The following ZNF564 variants were observed in gnomAD, a reference collection of about 807,000 sequenced individuals.
ZNF564 encodes the protein zinc finger protein 564.
ZNF564 carries 5 observed loss-of-function variants against 10.5 expected under a neutral mutation model. That is an observed-to-expected ratio of 0.48 (90% CI 0.25 to 1.00). The LOEUF (loss-of-function observed/expected upper bound fraction) is 1.00, where lower values mean the gene tolerates loss of function less well. Among genes scored for constraint, ZNF564 ranks in the 50% least tolerant of loss-of-function variants. The probability of loss-of-function intolerance (pLI) is 0.16; values close to 1 mark genes in which losing one functional copy is unlikely to be tolerated. For missense variants in ZNF564, 603 were observed against 669.7 expected (o/e 0.90, Z 1.10); for synonymous variants, 242 against 218.1 (o/e 1.11, Z -0.97).
intron 1 of ZNF564, chr19:12,548,642 A>G: frequency 1.8e-6 from 1 of 568,950 alleles, no homozygotes; most frequent in East Asian, 2.8e-5. Flanking sequence ...GGCTGGCAAG[A>G]CATTTGTATT....
chr19:12,548,116 T>C (rs2022187721), intron 1 of ZNF564: 1 of 974,892 alleles, frequency 1.0e-6, no homozygotes, highest in South Asian at 4.7e-5. Context: ...TTTCACTTAT[T>C]TTTAAGTAAG....
At chr19:12,542,086 C>G (rs2022063928) in intron 1 of ZNF564, among the ~76,000 whole-genome samples, 1 of 149,022 alleles carries the variant, frequency 6.7e-6, no homozygotes, top group African/African-American at 2.5e-5. Context: ...AATCCCAGCA[C>G]TTTGGGAGGC....
Position 12,527,558 on chromosome 19 carries a change from C to A in ZNF564, c.550G>T (p.Val184Phe), listed in dbSNP as rs767856860. ...GTGTGCTTAATCATGTGTCTTCGAA[C>A]ACTTGGGAGAGAAATGAAGGCTTTC... ...CGKAFISLPS[V>F]RRHMIKHTGD... The change falls in exon 4 of 4, where the codon GTT (valine) becomes TTT (phenylalanine). Residue 184 changes from valine to phenylalanine, a missense_variant. Val to Phe is a conservative substitution (Grantham distance 50). Coordinates refer to ENST00000339282, the MANE Select transcript of ZNF564 (RefSeq NM_144976.4). 17 of 1,613,810 alleles carry A rather than the reference C, an allele frequency of 1.1e-5. No homozygotes were observed. The highest frequency in any genetic ancestry group is 1.3e-5 in the Non-Finnish European group (15 of 1,179,952).
intron 1 of ZNF564, among the ~76,000 whole-genome samples, chr19:12,537,955 A>AT: frequency 6.6e-6 from 1 of 152,040 alleles, no homozygotes; most frequent in East Asian, 1.9e-4. Flanking sequence ...GAACAGGAAA[A>AT]AATTTCCTTC....
At chr19:12,534,031 G>A (rs10414929) in intron 1 of ZNF564, among the ~76,000 whole-genome samples, 1,891 of 152,106 alleles carry the variant, frequency 0.012, 28 homozygotes, top group African/African-American at 0.043. Context: ...ATCCACTCAC[G>A]GTGGCAAACT....
chr19:12,531,019 A>T (rs1599278386), intron 1 of ZNF564, among the ~76,000 whole-genome samples: 1 of 151,804 alleles, frequency 6.6e-6, no homozygotes. Context: ...AAGTGCTGGG[A>T]TTACAGGTGT....
intron 1 of ZNF564, among the ~76,000 whole-genome samples, chr19:12,532,177 A>C (rs1040345511): frequency 5.3e-5 from 8 of 151,888 alleles, no homozygotes; most frequent in African/African-American, 1.7e-4. Context: ...TTTATTGTGA[A>C]TAGACCCTGC....
chr19:12,547,710 G>A (rs2022179333), intron 1 of ZNF564, among the ~76,000 whole-genome samples: 1 of 152,078 alleles, frequency 6.6e-6, no homozygotes, highest in Admixed American at 6.6e-5. Context: ...GAACCAACTG[G>A]GACTTCAATG....
chr19:12,548,942 A>C, intron 1 of ZNF564: 1 of 694,194 alleles, frequency 1.4e-6, no homozygotes, highest in East Asian at 2.7e-5. Context: ...CTGTAGCCAT[A>C]ATGGAAGACT....
At chr19:12,537,709 G>A (rs1962732758) in intron 1 of ZNF564, among the ~76,000 whole-genome samples, 3 of 142,226 alleles carry the variant, frequency 2.1e-5, no homozygotes, top group African/African-American at 5.2e-5. Context: ...TTGCACTCCC[G>A]CCTGGGCAAC....
At chr19:12,540,449 G>A (rs954951786) in intron 1 of ZNF564, among the ~76,000 whole-genome samples, 1 of 152,198 alleles carries the variant, frequency 6.6e-6, no homozygotes, top group African/African-American at 2.4e-5. Context: ...GGCCAGTGTG[G>A]TGGCTCACAT....
chr19:12,546,382 G>A (rs577815771), intron 1 of ZNF564, among the ~76,000 whole-genome samples: 12 of 152,054 alleles, frequency 7.9e-5, no homozygotes, highest in Non-Finnish European at 1.6e-4. Context: ...AGCATACTGC[G>A]GGGGAAAAAA....
chr19:12,538,954 G>A (rs556628854), intron 1 of ZNF564, among the ~76,000 whole-genome samples: 172 of 152,152 alleles, frequency 1.1e-3, no homozygotes, highest in Admixed American at 1.2e-3. Flanking sequence ...TAGGCCAGGC[G>A]TGGTGGCTCA....
rs539707630 is a variant in ZNF564, at chr19:12,547,897, C to T, written c.3+3433G>A. Among the ~76,000 whole-genome samples the T allele has an allele frequency of 2.6e-5, 4 of 152,010 alleles. No homozygotes were observed. The East Asian group carries it at 5.8e-4, about 22-fold the overall frequency. On this transcript the variant is annotated intron_variant, in intron 1 of 3. Coordinates refer to ENST00000339282, the MANE Select transcript of ZNF564 (RefSeq NM_144976.4). ...CACGATCTCGGCTCACCGCAACTTCCGCCTGCTGGGTTCAAGCAATTCTCC... is the reference window on the plus strand; with the variant it reads ...CACGATCTCGGCTCACCGCAACTTCTGCCTGCTGGGTTCAAGCAATTCTCC...
At chr19:12,546,573 A>C (rs1028238040) in intron 1 of ZNF564, among the ~76,000 whole-genome samples, 3 of 151,044 alleles carry the variant, frequency 2.0e-5, no homozygotes, top group Non-Finnish European at 4.4e-5. Context: ...TAAAAATACA[A>C]AAAAAAAATT....
At chr19:12,536,897 T>C (rs1263075952) in intron 1 of ZNF564, among the ~76,000 whole-genome samples, 1 of 152,204 alleles carries the variant, frequency 6.6e-6, no homozygotes, top group African/African-American at 2.4e-5. Flanking sequence ...TTTTAGTATA[T>C]ATGTGCAATC....
In ZNF564 at chr19:12,527,535, G is replaced by T; in HGVS notation, c.573C>A (p.His191Gln). The T allele has an allele frequency of 6.2e-7, 1 of 1,614,118 alleles. No individual in the cohort carries two copies. The highest frequency in any genetic ancestry group is 2.2e-5 in the East Asian group (1 of 44,882). The change falls in exon 4 of 4, where the codon CAC becomes CAA. Residue 191 changes from histidine to glutamine, a missense_variant. Physicochemically the swap from His to Gln is conservative, Grantham distance 24. Transcript: ENST00000339282. ...GACATTTATATGGTCCATCTCCAGT[G>T]TGCTTAATCATGTGTCTTCGAACAC... Reference protein sequence around the residue: ...LPSVRRHMIKHTGDGPYKCQE... With the variant: ...LPSVRRHMIKQTGDGPYKCQE...
intron 1 of ZNF564, among the ~76,000 whole-genome samples, chr19:12,532,572 T>G (rs918703616): frequency 6.7e-6 from 1 of 149,014 alleles, no homozygotes; most frequent in Non-Finnish European, 1.5e-5. Flanking sequence ...ATTTTTTTTT[T>G]AATTAACCAG....
rs879721194 is a variant in ZNF564 at position 12,538,327 on chromosome 19, T to TA, written c.4-9632dup. Among the ~76,000 whole-genome samples the TA allele has an allele frequency of 5.0e-4, 72 of 144,940 alleles. 1 individual carries two copies. The highest frequency in any genetic ancestry group is 5.5e-4 in the Admixed American group (8 of 14,516). On this transcript the variant is annotated intron_variant, in intron 1 of 3. Coordinates refer to ENST00000339282, the MANE Select transcript of ZNF564 (RefSeq NM_144976.4). ...CAACATAGTGAAATCCTGTCTCTAT[T>TA]AAAAAAAAAAAAATTTGGCCAGGCG... is the stretch of plus-strand genomic sequence containing the variant.
Sources: gnomAD v4.1 joint callset for allele counts (sites outside exome capture counted in the v4.1 genomes callset) on GRCh38, gnomAD v4.1.1 for gene constraint, MANE v1.5 for transcripts, NCBI Gene and HGNC (gene_info 2026-07-23, HGNC 2026-07-21) for gene names.